RPS6KC1: variants seen among roughly 807,000 people sequenced by gnomAD.
The protein encoded by RPS6KC1 is ribosomal protein S6 kinase C1, also known as inactive ribosomal protein S6 kinase delta-1.
In RPS6KC1, 54 loss-of-function variants were observed where a neutral mutation model predicts 103.8. That is an observed-to-expected ratio of 0.52 (90% CI 0.42 to 0.65). The LOEUF is 0.65. Among genes scored for constraint, RPS6KC1 ranks in the 30% least tolerant of loss-of-function variants. RPS6KC1 has a pLI of 0.00. For synonymous variants in RPS6KC1, 439 were observed against 438.7 expected (o/e 1.00, Z -0.01); for missense variants, 1,151 against 1,253.8 (o/e 0.92, Z 1.24).
the RPS6KC1 span, among the ~76,000 whole-genome samples, chr1:213,781,633 G>T: frequency 6.6e-6 from 1 of 152,174 alleles, no homozygotes; most frequent in Non-Finnish European, 1.5e-5. Flanking sequence ...AATTGTTATT[G>T]AGGGACAGCT....
At position 213,191,263 on chromosome 1, in the gene RPS6KC1, T is replaced by C. The variant is rs368568050; in HGVS notation, c.1044+14771T>C. 2.0e-5 allele frequency among the ~76,000 whole-genome samples: 3 copies of C among 152,190 alleles called. No individual in the cohort carries two copies. The East Asian group carries it at 5.8e-4, about 29-fold the overall frequency. On this transcript the variant is annotated intron_variant, in intron 8 of 14. Transcript: ENST00000366960. ...AGTTATTTTAACAATATTGATTCTTTTAATTCATGAACATGGAATATCTTT... is the reference window on the plus strand; with the variant it reads ...AGTTATTTTAACAATATTGATTCTTCTAATTCATGAACATGGAATATCTTT...
intron 6 of RPS6KC1, among the ~76,000 whole-genome samples, chr1:213,142,074 T>C (rs1214338944): frequency 6.6e-6 from 1 of 152,140 alleles, no homozygotes; most frequent in East Asian, 1.9e-4. Context: ...TGCATATATA[T>C]TTAGGATAGT....
At chr1:213,808,315 A>G in the RPS6KC1 span, among the ~76,000 whole-genome samples, 2 of 152,212 alleles carry the variant, frequency 1.3e-5, no homozygotes, top group Non-Finnish European at 2.9e-5. Flanking sequence ...CAAAGCTGTC[A>G]GACAGGGACA....
the RPS6KC1 span, among the ~76,000 whole-genome samples, chr1:213,398,910 A>G: frequency 1.3e-5 from 2 of 152,186 alleles, no homozygotes; most frequent in Non-Finnish European, 2.9e-5. Flanking sequence ...TTTAGAGTCT[A>G]TAGGATGGCT....
chr1:213,766,380 C>T, the RPS6KC1 span, among the ~76,000 whole-genome samples: 1 of 152,132 alleles, frequency 6.6e-6, no homozygotes, highest in Non-Finnish European at 1.5e-5. Flanking sequence ...GTTGACTTGT[C>T]ATCAAGAGCA....
intron 8 of RPS6KC1, among the ~76,000 whole-genome samples, chr1:213,220,849 G>C (rs1345230218): frequency 6.6e-6 from 1 of 152,100 alleles, no homozygotes; most frequent in African/African-American, 2.4e-5. Context: ...TTGAGATTCT[G>C]TTTTTAAAAG....
chr1:213,752,349 C>T, the RPS6KC1 span, among the ~76,000 whole-genome samples: 1 of 151,414 alleles, frequency 6.6e-6, no homozygotes, highest in African/African-American at 2.4e-5. Context: ...AGTCATAGAC[C>T]ATATGTAAAA....
intron 3 of RPS6KC1, among the ~76,000 whole-genome samples, chr1:213,090,208 C>A (rs2080835557): frequency 6.6e-6 from 1 of 152,302 alleles, no homozygotes; most frequent in Non-Finnish European, 1.5e-5. Context: ...AGTCATCAGT[C>A]TGAGGAGTTT....
the RPS6KC1 span, among the ~76,000 whole-genome samples, chr1:213,348,689 C>A: frequency 2.6e-5 from 4 of 152,186 alleles, no homozygotes. Flanking sequence ...CTACAAGTTG[C>A]AGCTGAAACA....
the RPS6KC1 span, among the ~76,000 whole-genome samples, chr1:213,635,721 C>A: frequency 6.6e-6 from 1 of 152,126 alleles, no homozygotes; most frequent in Admixed American, 6.5e-5. Flanking sequence ...GACAGGGATG[C>A]CCTCTCTCAC....
At chr1:213,428,323 G>A in the RPS6KC1 span, among the ~76,000 whole-genome samples, 72 of 152,158 alleles carry the variant, frequency 4.7e-4, no homozygotes, top group Non-Finnish European at 7.9e-4. Context: ...TTTAAGCAGA[G>A]CCATTCTCCA....
chr1:213,441,996 A>G, the RPS6KC1 span, among the ~76,000 whole-genome samples: 1 of 152,228 alleles, frequency 6.6e-6, no homozygotes, highest in Admixed American at 6.5e-5. Context: ...TTCAATTTAA[A>G]AAGAGGCTAA....
intron 14 of RPS6KC1, among the ~76,000 whole-genome samples, chr1:213,267,962 A>G (rs2094950261): frequency 6.6e-6 from 1 of 151,994 alleles, no homozygotes; most frequent in South Asian, 2.1e-4. Flanking sequence ...ACCAGTATAC[A>G]TATAATGATA....
the RPS6KC1 span, among the ~76,000 whole-genome samples, chr1:213,663,500 T>TC: frequency 6.6e-6 from 1 of 152,200 alleles, no homozygotes; most frequent in Non-Finnish European, 1.5e-5. Context: ...TGTTCTCTTT[T>TC]CCCCACGAAT....
chr1:213,054,774 T>G (rs1394057567), intron 1 of RPS6KC1, among the ~76,000 whole-genome samples: 1 of 152,214 alleles, frequency 6.6e-6, no homozygotes, highest in Non-Finnish European at 1.5e-5. Flanking sequence ...ACTAACAGAT[T>G]CTGCAGTTAA....
chr1:213,534,225 C>T, the RPS6KC1 span, among the ~76,000 whole-genome samples: 82 of 152,256 alleles, frequency 5.4e-4, no homozygotes, highest in African/African-American at 1.9e-3. Flanking sequence ...GGAGTGAATG[C>T]TGTGTATCTG....
chr1:213,661,562 G>T, the RPS6KC1 span, among the ~76,000 whole-genome samples: 1 of 152,224 alleles, frequency 6.6e-6, no homozygotes, highest in African/African-American at 2.4e-5. Flanking sequence ...GGAAGTCAGA[G>T]GCGGGGGAGG....
chr1:213,101,426 C>T (rs2082008055), intron 3 of RPS6KC1, among the ~76,000 whole-genome samples: 1 of 152,132 alleles, frequency 6.6e-6, no homozygotes, highest in Non-Finnish European at 1.5e-5. Flanking sequence ...AAAAAAGTCT[C>T]AATTCATATC....
At chr1:213,206,233 A>G (rs892813000) in intron 8 of RPS6KC1, among the ~76,000 whole-genome samples, 2 of 152,136 alleles carry the variant, frequency 1.3e-5, no homozygotes, top group African/African-American at 4.8e-5. Flanking sequence ...GTTTCCTTTT[A>G]CCTCCTAGGG....
Sources: gnomAD v4.1 joint callset for allele counts (sites outside exome capture counted in the v4.1 genomes callset) on GRCh38, gnomAD v4.1.1 for gene constraint, MANE v1.5 for transcripts, NCBI Gene and HGNC (gene_info 2026-07-23, HGNC 2026-07-21) for gene names.